Variants in SLC12A2 observed in about 807,000 individuals in gnomAD.
SLC12A2 encodes the protein solute carrier family 12 member 2, also known as Na-K-2Cl cotransporter 1.
SLC12A2 carries 67 observed loss-of-function variants against 136.3 expected under a neutral mutation model. The ratio of observed to expected loss-of-function variants is 0.49; its 90% CI spans 0.40 to 0.60. The LOEUF (loss-of-function observed/expected upper bound fraction) is 0.60. Among genes scored for constraint, SLC12A2 ranks in the 20% least tolerant of loss-of-function variants. SLC12A2 has a pLI of 0.00. For missense variants in SLC12A2, 1,322 were observed against 1,534.7 expected (o/e 0.86, Z 2.32); for synonymous variants, 619 against 562.9 (o/e 1.10, Z -1.41).
intron 1 of SLC12A2, chr5:128,109,923 T>A: frequency 1.2e-6 from 1 of 817,352 alleles, no homozygotes; most frequent in South Asian, 1.3e-5. Context: ...GCAGCCTGGC[T>A]ACGGGGGATG....
At chr5:128,156,406 T>G (rs1296108159) in intron 15 of SLC12A2, among the ~76,000 whole-genome samples, 4 of 152,156 alleles carry the variant, frequency 2.6e-5, no homozygotes, top group Non-Finnish European at 4.4e-5. Flanking sequence ...AGAAAGGAGA[T>G]TACATCAAGG....
chr5:128,112,937 T>G lies in SLC12A2; in HGVS notation c.876+4T>G, dbSNP rs750092167. ...TGGCTGGATCAAGGGTGTATTAGTATGTATATATAGACTTAATTTTATAGT... is the reference window on the plus strand; with the variant it reads ...TGGCTGGATCAAGGGTGTATTAGTAGGTATATATAGACTTAATTTTATAGT... On this transcript the variant is annotated splice_donor_region_variant and intron_variant, in intron 2 of 26. Coordinates refer to ENST00000262461, the MANE Select transcript of SLC12A2 (RefSeq NM_001046.3). The G allele has an allele frequency of 1.3e-6, 2 of 1,599,468 alleles. No homozygotes were observed. The highest frequency in any genetic ancestry group is 3.6e-5 in the Admixed American group (2 of 56,012).
intron 6 of SLC12A2, among the ~76,000 whole-genome samples, chr5:128,134,668 T>C (rs1762129637): frequency 6.6e-6 from 1 of 152,114 alleles, no homozygotes; most frequent in Non-Finnish European, 1.5e-5. Flanking sequence ...AGAGAAGTTA[T>C]TCTTGCTATT....
At chr5:128,166,313 G>A (rs567216984) in intron 17 of SLC12A2, among the ~76,000 whole-genome samples, 2 of 152,148 alleles carry the variant, frequency 1.3e-5, no homozygotes, top group South Asian at 4.1e-4. Flanking sequence ...AGACTTAATA[G>A]CATTGGATTT....
At chr5:128,107,046 G>T (rs1211438610) in intron 1 of SLC12A2, among the ~76,000 whole-genome samples, 1 of 151,734 alleles carries the variant, frequency 6.6e-6, no homozygotes, top group Non-Finnish European at 1.5e-5. Flanking sequence ...GAAAGATAAG[G>T]GAACTCCTCC....
intron 4 of SLC12A2, among the ~76,000 whole-genome samples, chr5:128,118,707 G>A (rs995117640): frequency 6.6e-6 from 1 of 152,058 alleles, no homozygotes; most frequent in Non-Finnish European, 1.5e-5. Flanking sequence ...AAAACCACCT[G>A]TTCCCCAAAA....
intron 1 of SLC12A2, among the ~76,000 whole-genome samples, chr5:128,096,441 G>C (rs1371556430): frequency 6.6e-6 from 1 of 151,948 alleles, no homozygotes; most frequent in Non-Finnish European, 1.5e-5. Context: ...TATCAGACTT[G>C]ATATTTTAGA....
Position 128,186,671 on chromosome 5 carries a change from A to G in SLC12A2, c.*40A>G. ...GGACAGCCCTCCAGAATGGTACTTC[A>G]GTGCCTAGTGTAGTAACTGAAATCT... On this transcript the variant is annotated 3_prime_UTR_variant, in exon 27 of 27. Coordinates refer to ENST00000262461, the MANE Select transcript of SLC12A2 (RefSeq NM_001046.3). The G allele has an allele frequency of 6.2e-7, 1 of 1,603,582 alleles. No individual in the cohort carries two copies. Among genetic ancestry groups the G allele is most frequent in the African/African-American group, 1.3e-5 (1 of 74,806 alleles).
chr5:128,086,780 C>A (rs1760114918), intron 1 of SLC12A2, among the ~76,000 whole-genome samples: 1 of 152,146 alleles, frequency 6.6e-6, no homozygotes, highest in Admixed American at 6.5e-5. Flanking sequence ...CTATACATCA[C>A]TGTCGAAAGA....
rs1264348282 is a variant in SLC12A2, at chr5:128,084,347, C to T, written c.393C>T (p.Gly131=). Residue 131 remains glycine (G), a synonymous_variant, in exon 1 of 27, where the codon GGC becomes GGT. Coordinates refer to ENST00000262461, the MANE Select transcript of SLC12A2 (RefSeq NM_001046.3). The surrounding 1 kb of genome is among the most constrained non-coding windows in gnomAD (Gnocchi z 5.6). ...EASGESEPAK[G]SEEAKGRFRV... is the part of the protein sequence containing the mutation. ...GCGGCGAGAGCGAGCCGGCTAAAGG[C>T]AGCGAGGAAGCCAAGGGCCGCTTCC... 1 of 1,589,578 alleles carries T rather than the reference C, an allele frequency of 6.3e-7. No individual in the cohort carries two copies. Among genetic ancestry groups the T allele is most frequent in the Non-Finnish European group, 8.5e-7 (1 of 1,171,744 alleles).
intron 18 of SLC12A2, chr5:128,169,478 A>G (rs936830616): frequency 2.0e-5 from 3 of 152,210 alleles, no homozygotes; most frequent in Non-Finnish European, 2.9e-5. Context: ...ATCTCTTTAT[A>G]TGGATTAGTA....
intron 2 of SLC12A2, among the ~76,000 whole-genome samples, chr5:128,113,573 G>GA (rs1361175808): frequency 2.0e-5 from 3 of 151,948 alleles, no homozygotes; most frequent in Admixed American, 6.6e-5. Context: ...GAAATAGAGG[G>GA]AAAAAAATCA....
rs565007738 is a variant in SLC12A2 at position 128,122,320 on chromosome 5, G to C, written c.1048+7639G>C. The stretch of plus-strand genomic sequence containing the variant: ...AGCTGACAATTGTTGAGCATTTTGT[G>C]ACAGACACTGGGTTTTTAACAGTGA... On this transcript the variant is annotated intron_variant, in intron 4 of 26. Coordinates refer to ENST00000262461, the MANE Select transcript of SLC12A2 (RefSeq NM_001046.3). Among the ~76,000 whole-genome samples, 6 of 152,264 alleles carry C rather than the reference G, an allele frequency of 3.9e-5. 1 individual carries two copies. In the South Asian group the frequency reaches 1.2e-3, roughly 32 times the overall value.
intron 4 of SLC12A2, among the ~76,000 whole-genome samples, chr5:128,126,966 A>ATATATATATATATTTTT: frequency 4.7e-5 from 1 of 21,154 alleles, no homozygotes; most frequent in Non-Finnish European, 7.7e-5. Flanking sequence ...ATATATATAT[A>ATATATATATATATTTTT]TTTTTTTTTT....
At chr5:128,167,681 T>C in intron 17 of SLC12A2, 80 bp from the exon 18 acceptor site, 1 of 940,408 alleles carries the variant, frequency 1.1e-6, no homozygotes, top group Non-Finnish European at 1.6e-6. Flanking sequence ...GCTGTCAATT[T>C]GGAGGACAGT....
chr5:128,105,413 A>G (rs937174535), intron 1 of SLC12A2, among the ~76,000 whole-genome samples: 2 of 152,190 alleles, frequency 1.3e-5, no homozygotes, highest in African/African-American at 4.8e-5. Flanking sequence ...TGTTGTTTCA[A>G]GAAAGGGAGT....
At position 128,137,341 on chromosome 5, in the gene SLC12A2, T is replaced by C. The variant is rs1369473173; in HGVS notation, c.1409-1256T>C. On this transcript the variant is annotated intron_variant, in intron 7 of 26. Transcript: ENST00000262461. ...GTCTTCATATATGTTGTTTCTCTTT[T>C]CTGGTATACTCTTTTTCCCTGATGA... Among the ~76,000 whole-genome samples the C allele has an allele frequency of 5.3e-5, 8 of 152,214 alleles. 1 individual carries two copies. The highest frequency in any genetic ancestry group is 8.8e-5 in the Non-Finnish European group (6 of 68,028).
chr5:128,084,797 T>C lies in SLC12A2; in HGVS notation c.756+87T>C. On this transcript the variant is annotated intron_variant, in intron 1 of 26. Transcript: ENST00000262461. This position sits in a 1 kb window ranked among gnomAD's most constrained non-coding sequence, Gnocchi z 5.6. The stretch of plus-strand genomic sequence containing the variant: ...GCTGCAGACTCTTCCCGAGTTGAGG[T>C]GGCGGGAGTAGTAGACGTGCACGAC... The C allele has an allele frequency of 7.2e-7, 1 of 1,396,360 alleles. No homozygotes were observed. The highest frequency in any genetic ancestry group is 9.5e-7 in the Non-Finnish European group (1 of 1,050,604). 86.5% of individuals were successfully genotyped at this position (1,396,360 alleles called of 1,614,324 possible).
chr5:128,160,249 G>A (rs984876569), intron 16 of SLC12A2, among the ~76,000 whole-genome samples: 3 of 152,166 alleles, frequency 2.0e-5, no homozygotes, highest in South Asian at 2.1e-4. Flanking sequence ...GAGGTGGGGG[G>A]GCTCGGGGAG....
Sources: allele counts gnomAD v4.1 joint callset (sites outside exome capture counted in the v4.1 genomes callset), GRCh38; gene constraint gnomAD v4.1.1; non-coding constraint Gnocchi (gnomAD v3.1); transcripts MANE v1.5; gene names NCBI Gene and HGNC (gene_info 2026-07-23, HGNC 2026-07-21).